Variants in KAT14 observed in about 807,000 individuals in gnomAD.
KAT14 encodes the protein cysteine-rich protein 2-binding protein.
KAT14 carries 66 observed loss-of-function variants against 78.4 expected under a neutral mutation model. That is an observed-to-expected ratio of 0.84 (90% CI 0.69 to 1.03). The LOEUF (loss-of-function observed/expected upper bound fraction) is 1.03, where lower values mean the gene tolerates loss of function less well. Ranked by LOEUF, KAT14 falls within the 50% of genes least tolerant of loss-of-function variation. KAT14 has a pLI of 0.00. For synonymous variants in KAT14, 344 were observed against 359.4 expected, an observed-to-expected ratio of 0.96 and a Z score of 0.48; for missense variants, 870 against 972.5, an observed-to-expected ratio of 0.89 and a Z score of 1.40.
chr20:18,156,421 G>A (rs1334671132), intron 4 of KAT14, among the ~76,000 whole-genome samples: 3 of 152,086 alleles, frequency 2.0e-5, no homozygotes, highest in African/African-American at 7.2e-5. Context: ...ATAATTTTGG[G>A]GGAAAACTAT....
intron 1 of KAT14, chr20:18,138,491 C>T (rs1312820979): frequency 4.1e-6 from 4 of 982,958 alleles, no homozygotes; most frequent in African/African-American, 3.5e-5. Context: ...TACCAGCCTC[C>T]CTCCTGGCCC....
intron 5 of KAT14, 71 bp downstream of exon 5, chr20:18,159,336 C>G: frequency 6.5e-7 from 1 of 1,534,938 alleles, no homozygotes; most frequent in South Asian, 1.3e-5. Context: ...CCAGGAGACG[C>G]TCCTGCTTCC....
In KAT14 at chr20:18,164,611, C is replaced by CTTTTT. The variant is rs1568669495; in HGVS notation, c.1668+1668_1668+1669insTTTTT. ...TTTGTTAGTCATCTATTCACTTGTT[C>CTTTTT]TTGTTCTTTTTTTTTTTTTTTTTGA... On this transcript the variant is annotated intron_variant, in intron 7 of 10. Transcript: ENST00000688188. 7.1e-5 allele frequency among the ~76,000 whole-genome samples: 3 copies of CTTTTT among 42,492 alleles called. 1 individual carries two copies. The highest frequency in any genetic ancestry group is 1.1e-4 in the Non-Finnish European group (2 of 17,942). 27.9% of individuals were successfully genotyped at this position (42,492 alleles called of 152,430 possible). A position where few individuals can be genotyped will look rare whatever the true frequency, so the allele number is the denominator to read the frequency against.
chr20:18,147,786 A>G (rs960660571), intron 3 of KAT14, among the ~76,000 whole-genome samples: 20 of 152,124 alleles, frequency 1.3e-4, no homozygotes, highest in African/African-American at 4.6e-4. Flanking sequence ...GGGTTTTGCC[A>G]TGTTGGCCAG....
rs546454121 is a variant in KAT14, at chr20:18,183,047, A to C, written c.1806-76A>C. On this transcript the variant is annotated intron_variant, in intron 8 of 10. Coordinates refer to ENST00000688188, the MANE Select transcript of KAT14 (RefSeq NM_001392073.1). ...AAGTTTCAAGCAGATCAAAGAGTTTATATGAGTCAAAAAGCTAGGAATAAT... is the reference window on the plus strand; with the variant it reads ...AAGTTTCAAGCAGATCAAAGAGTTTCTATGAGTCAAAAAGCTAGGAATAAT... 5.0e-5 allele frequency: 77 copies of C among 1,530,618 alleles called. No individual in the cohort carries two copies. The African/African-American group carries it at 9.0e-4, about 18-fold the overall frequency. 94.8% of individuals were successfully genotyped at this position (1,530,618 alleles called of 1,614,324 possible). A position where few individuals can be genotyped will look rare whatever the true frequency, so the allele number is the denominator to read the frequency against.
chr20:18,184,391 T>G (rs2039377907), intron 9 of KAT14, among the ~76,000 whole-genome samples: 1 of 152,190 alleles, frequency 6.6e-6, no homozygotes, highest in Admixed American at 6.5e-5. Context: ...CCACTCTTCT[T>G]TTAGGAAATA....
At chr20:18,178,398 T>G (rs2039123496) in intron 7 of KAT14, among the ~76,000 whole-genome samples, 1 of 152,060 alleles carries the variant, frequency 6.6e-6, no homozygotes, top group African/African-American at 2.4e-5. Context: ...AGAGATTGTA[T>G]TAGTTTGTTT....
chr20:18,145,085 C>T (rs1472005238), intron 2 of KAT14, 148 bp from the exon 3 acceptor site: 2 of 1,412,974 alleles, frequency 1.4e-6, no homozygotes, highest in Non-Finnish European at 1.8e-6. Flanking sequence ...TTTCTAATTC[C>T]CTTCCTTTTC....
At position 18,187,756 on chromosome 20, in the gene KAT14, G is replaced by A. The variant is rs41276422; in HGVS notation, c.*297G>A. The A allele has an allele frequency of 0.06, 23,354 of 391,494 alleles. 842 individuals carry two copies. Among genetic ancestry groups the A allele is most frequent in the Middle Eastern group, 0.088 (117 of 1,328 alleles). 24.3% of individuals were successfully genotyped at this position (391,494 alleles called of 1,614,324 possible). ...CCTGACAGTTTGTAAGAGTGAAAGA[G>A]CATCTAACCTGATGCTCTTGGAGAG... On this transcript the variant is annotated 3_prime_UTR_variant, in exon 11 of 11. Transcript: ENST00000688188.
intron 7 of KAT14, among the ~76,000 whole-genome samples, chr20:18,180,696 T>C (rs2039216135): frequency 6.6e-6 from 1 of 152,124 alleles, no homozygotes; most frequent in African/African-American, 2.4e-5. Flanking sequence ...TGAAAGACAC[T>C]TCTTAGTGGG....
chr20:18,146,937 C>A (rs1056997086), intron 3 of KAT14, among the ~76,000 whole-genome samples: 1 of 152,120 alleles, frequency 6.6e-6, no homozygotes, highest in South Asian at 2.1e-4. Context: ...AGGTGCTGTT[C>A]TAGGCCTGAG....
chr20:18,179,974 T>G (rs2146519477), intron 7 of KAT14, among the ~76,000 whole-genome samples: 1 of 152,214 alleles, frequency 6.6e-6, no homozygotes, highest in South Asian at 2.1e-4. Flanking sequence ...GTTCAAGTGA[T>G]TCTCCTGCCT....
At chr20:18,138,306 T>C in intron 1 of KAT14, 1 of 1,181,540 alleles carries the variant, frequency 8.5e-7, no homozygotes, top group Non-Finnish European at 1.0e-6. Context: ...CCTTTGGAGC[T>C]CCGCGCTGAA....
Position 18,162,032 on chromosome 20 carries a change from A to G in KAT14, c.892A>G (p.Arg298Gly), listed in dbSNP as rs1218032636. The G allele has an allele frequency of 5.6e-6, 9 of 1,614,268 alleles. No homozygotes were observed. Among genetic ancestry groups the G allele is most frequent in the Non-Finnish European group, 7.6e-6 (9 of 1,180,056 alleles). The change falls in exon 6 of 11, where the codon AGG becomes GGG. Residue 298 changes from arginine (R) to glycine (G), a missense_variant. Coordinates refer to ENST00000688188, the MANE Select transcript of KAT14 (RefSeq NM_001392073.1). Reference sequence around the variant, plus strand: ...TGTAAAATTCATAAGCCGAGGCCGCAGGCCAGATGTGATTCTGGAAAAAGG... The same window carrying G: ...TGTAAAATTCATAAGCCGAGGCCGCGGGCCAGATGTGATTCTGGAAAAAGG... ...TPVKFISRGR[R>G]PDVILEKGEV...
chr20:18,146,920 A>G (rs937118215), intron 3 of KAT14, among the ~76,000 whole-genome samples: 1 of 152,150 alleles, frequency 6.6e-6, no homozygotes, highest in Non-Finnish European at 1.5e-5. Flanking sequence ...AGTACCTGTT[A>G]TGAACCAGGT....
At chr20:18,156,063 G>A (rs1296130170) in intron 4 of KAT14, among the ~76,000 whole-genome samples, 2 of 152,200 alleles carry the variant, frequency 1.3e-5, no homozygotes, top group African/African-American at 4.8e-5. Context: ...TCTTAAAAAG[G>A]AAGGACATTC....
At position 18,142,373 on chromosome 20, in the gene KAT14, T is replaced by C. The variant is rs1407474355; in HGVS notation, c.-288T>C. The C allele has an allele frequency of 1.3e-6, 2 of 1,533,720 alleles. No homozygotes were observed. ...AAAATCATGACTTGAATGTGAAATATCTGTTGGACAGACAACACGAGTTTG... is the reference window on the plus strand; with the variant it reads ...AAAATCATGACTTGAATGTGAAATACCTGTTGGACAGACAACACGAGTTTG... On this transcript the variant is annotated 5_prime_UTR_variant, in exon 2 of 11. Transcript: ENST00000688188.
At position 18,142,214 on chromosome 20, in the gene KAT14, C is replaced by T. The variant is rs768254781; in HGVS notation, c.-447C>T. Reference sequence around the variant, plus strand: ...CTGTTTCTTACGTTTTTAGAGGCTTCGTGACGGAGTTATCAGAGACATTGA... The same window carrying T: ...CTGTTTCTTACGTTTTTAGAGGCTTTGTGACGGAGTTATCAGAGACATTGA... On this transcript the variant is annotated 5_prime_UTR_variant, in exon 2 of 11. Coordinates refer to ENST00000688188, the MANE Select transcript of KAT14 (RefSeq NM_001392073.1). 17 of 1,536,638 alleles carry T rather than the reference C, an allele frequency of 1.1e-5. No individual in the cohort carries two copies. Among genetic ancestry groups the T allele is most frequent in the South Asian group, 4.8e-5 (4 of 83,970 alleles).
At chr20:18,186,282 G>A (rs2039450169) in intron 10 of KAT14, among the ~76,000 whole-genome samples, 2 of 152,116 alleles carry the variant, frequency 1.3e-5, no homozygotes, top group Admixed American at 6.5e-5. Flanking sequence ...GCGCACAGTC[G>A]CTGGCACTCA....
Sources: gnomAD v4.1 joint callset for allele counts (sites outside exome capture counted in the v4.1 genomes callset) on GRCh38, gnomAD v4.1.1 for gene constraint, MANE v1.5 for transcripts, NCBI Gene and HGNC (gene_info 2026-07-23, HGNC 2026-07-21) for gene names.